The following EPB41L4B variants were observed in gnomAD, a reference collection of about 807,000 sequenced individuals.
EPB41L4B encodes band 4.1-like protein 4B.
In EPB41L4B, 30 loss-of-function variants were observed where a neutral mutation model predicts 112.5. That is an observed-to-expected ratio of 0.27 (90% CI 0.20 to 0.36). EPB41L4B has a LOEUF of 0.36. Ranked by LOEUF, EPB41L4B falls within the 10% of genes least tolerant of loss-of-function variation. The pLI is 1.00. For missense variants in EPB41L4B, 1,024 were observed against 1,133.3 expected (o/e 0.90, Z 1.38); for synonymous variants, 408 against 439.7 (o/e 0.93, Z 0.90).
At chr9:109,205,122 G>T (rs1282358410) in intron 18 of EPB41L4B, among the ~76,000 whole-genome samples, 1 of 152,208 alleles carries the variant, frequency 6.6e-6, no homozygotes, top group African/African-American at 2.4e-5. Flanking sequence ...ATAAGAAGCT[G>T]ATGTGTACTG....
intron 25 of EPB41L4B, among the ~76,000 whole-genome samples, chr9:109,174,845 T>A (rs1054505374): frequency 2.6e-5 from 4 of 151,902 alleles, no homozygotes; most frequent in Non-Finnish European, 5.9e-5. Context: ...GCTGACTATA[T>A]GTCATTCATC....
chr9:109,239,628 T>G, intron 15 of EPB41L4B: 1 of 170,084 alleles, frequency 5.9e-6, no homozygotes, highest in Non-Finnish European at 1.2e-5. Context: ...GTCCACTAAG[T>G]TAAGGAATGA....
At chr9:109,190,939 C>T (rs754293843) in intron 22 of EPB41L4B, among the ~76,000 whole-genome samples, 2 of 152,288 alleles carry the variant, frequency 1.3e-5, no homozygotes, top group Middle Eastern at 3.4e-3. Context: ...TAAGGAAGCC[C>T]CTCTGCAGCC....
chr9:109,235,902 T>C (rs1043800010), intron 15 of EPB41L4B, among the ~76,000 whole-genome samples: 7 of 152,196 alleles, frequency 4.6e-5, no homozygotes, highest in East Asian at 1.9e-4. Flanking sequence ...CCAGAAGAAA[T>C]TGGCCAAAGG....
intron 15 of EPB41L4B, 81 bp from the exon 16 acceptor site, chr9:109,217,226 G>C: frequency 1.6e-6 from 2 of 1,220,834 alleles, no homozygotes; most frequent in Non-Finnish European, 2.4e-6. Flanking sequence ...ACGTTTTCTA[G>C]GCATTAAACA....
chr9:109,215,737 G>A (rs1399548607), intron 16 of EPB41L4B, among the ~76,000 whole-genome samples: 5 of 152,138 alleles, frequency 3.3e-5, no homozygotes, highest in African/African-American at 1.2e-4. Context: ...TAATAAAAGT[G>A]AGTTTCTAGA....
At chr9:109,284,077 T>G (rs1322940131) in intron 1 of EPB41L4B, among the ~76,000 whole-genome samples, 1 of 151,974 alleles carries the variant, frequency 6.6e-6, no homozygotes, top group African/African-American at 2.4e-5. Flanking sequence ...AGTGACACCT[T>G]GACTTAAAAA....
Position 109,178,339 on chromosome 9 carries a change from T to C in EPB41L4B, c.2488-1643A>G, listed in dbSNP as rs868833798. On this transcript the variant is annotated intron_variant, in intron 24 of 25. Transcript: ENST00000374566. ...CCTGACCTTGGAGAAACTTATTACA[T>C]GAGTTTCTAAAGAAGACACTCTGAT... Among the ~76,000 whole-genome samples the C allele has an allele frequency of 5.9e-5, 9 of 152,028 alleles. 1 individual carries two copies. Among genetic ancestry groups the C allele is most frequent in the Middle Eastern group, 3.4e-3 (1 of 294 alleles).
Position 109,178,781 on chromosome 9 carries a change from A to G in EPB41L4B, c.2488-2085T>C, listed in dbSNP as rs571180719. 5.3e-5 allele frequency among the ~76,000 whole-genome samples: 8 copies of G among 151,836 alleles called. No individual in the cohort carries two copies. The East Asian group carries it at 1.6e-3, about 29-fold the overall frequency. On this transcript the variant is annotated intron_variant, in intron 24 of 25. Transcript: ENST00000374566. ...TTATTCTTTCTGAAAAAAGAGGAAAATTTGCACTGATGGTGCAAAGGTGAT... is the reference window on the plus strand; with the variant it reads ...TTATTCTTTCTGAAAAAAGAGGAAAGTTTGCACTGATGGTGCAAAGGTGAT...
intron 17 of EPB41L4B, among the ~76,000 whole-genome samples, chr9:109,212,048 GGAGTTGTA>G (rs1833200338): frequency 2.0e-5 from 3 of 151,970 alleles, no homozygotes; most frequent in Non-Finnish European, 4.4e-5. Context: ...AGATAGGAAG[GGAGTTGTA>G]ACTTGACCTC....
At chr9:109,316,784 GCTGA>G (rs1213674834) in intron 1 of EPB41L4B, among the ~76,000 whole-genome samples, 2 of 152,166 alleles carry the variant, frequency 1.3e-5, no homozygotes, top group East Asian at 1.9e-4. Context: ...CTGGAAAGCT[GCTGA>G]CTATCCATAG....
chr9:109,194,452 T>C (rs1832574069), intron 20 of EPB41L4B, 55 bp from the exon 21 acceptor site: 1 of 1,572,904 alleles, frequency 6.4e-7, no homozygotes, highest in South Asian at 1.2e-5. Context: ...AAACAGGCTG[T>C]GAGGAGTGGA....
chr9:109,188,501 TG>T (rs1279832262), intron 22 of EPB41L4B, among the ~76,000 whole-genome samples: 1 of 152,206 alleles, frequency 6.6e-6, no homozygotes, highest in Non-Finnish European at 1.5e-5. Context: ...GAGGCCTAGA[TG>T]TATCAGTGAA....
chr9:109,232,769 G>T (rs1833998410), intron 15 of EPB41L4B, among the ~76,000 whole-genome samples: 1 of 152,198 alleles, frequency 6.6e-6, no homozygotes, highest in African/African-American at 2.4e-5. Flanking sequence ...CTGGGTACGT[G>T]TTTCTAGGGT....
rs138975445 is a variant in EPB41L4B, at chr9:109,172,611, T to C, written c.*1943A>G. The stretch of plus-strand genomic sequence containing the variant: ...ATGATATCACTGCACCGTACCAAGG[T>C]ATAAAAGGGGCTGATGTTTATAATC... On this transcript the variant is annotated 3_prime_UTR_variant, in exon 26 of 26. Coordinates refer to ENST00000374566, the MANE Select transcript of EPB41L4B (RefSeq NM_019114.5). 2.0e-5 allele frequency: 3 copies of C among 152,228 alleles called. No individual in the cohort carries two copies. Among genetic ancestry groups the C allele is most frequent in the African/African-American group, 7.2e-5 (3 of 41,548 alleles). The allele number at this position is 152,228 out of a possible 1,614,324, so 9.4% of individuals were successfully genotyped here. A position where few individuals can be genotyped will look rare whatever the true frequency, so the allele number is the denominator to read the frequency against.
chr9:109,204,542 A>G (rs2118766253), intron 18 of EPB41L4B, among the ~76,000 whole-genome samples: 1 of 152,144 alleles, frequency 6.6e-6, no homozygotes, highest in South Asian at 2.1e-4. Context: ...CCCAGGCTGG[A>G]GTGCAGCAGC....
chr9:109,256,571 G>C lies in EPB41L4B; in HGVS notation c.753-91C>G, dbSNP rs147785304. ...CGGCCTTACTATGGAACGTTATGCAGCAATTAAAGCAATGAGGGATGCCAA... is the reference window on the plus strand; with the variant it reads ...CGGCCTTACTATGGAACGTTATGCACCAATTAAAGCAATGAGGGATGCCAA... On this transcript the variant is annotated intron_variant, in intron 7 of 25. Transcript: ENST00000374566. 7.6e-4 allele frequency: 791 copies of C among 1,035,636 alleles called. 4 individuals carry two copies. The African/African-American group carries it at 0.011, about 15-fold the overall frequency. The allele number at this position is 1,035,636 out of a possible 1,614,324, so 64.2% of individuals were successfully genotyped here.
At chr9:109,243,222 AAAAAAAAAAAAAATCC>A (rs1411875423) in intron 15 of EPB41L4B, among the ~76,000 whole-genome samples, 1 of 150,704 alleles carries the variant, frequency 6.6e-6, no homozygotes, top group Admixed American at 6.6e-5. Flanking sequence ...CAAAAAAAAA[AAAAAAAAAAAAAATCC>A]TTAAAAAAAA....
At chr9:109,305,801 A>G (rs1218743973) in intron 1 of EPB41L4B, among the ~76,000 whole-genome samples, 1 of 151,750 alleles carries the variant, frequency 6.6e-6, no homozygotes, top group African/African-American at 2.4e-5. Flanking sequence ...CCCAGTGCCT[A>G]TAATTCCAGC....
Sources: gnomAD v4.1 joint callset for allele counts (sites outside exome capture counted in the v4.1 genomes callset) on GRCh38, gnomAD v4.1.1 for gene constraint, MANE v1.5 for transcripts, NCBI Gene and HGNC (gene_info 2026-07-23, HGNC 2026-07-21) for gene names.